The following NIPBL variants were observed in gnomAD, a reference collection of about 807,000 sequenced individuals.
The protein encoded by NIPBL is nipped-B-like protein.
In NIPBL, 19 loss-of-function variants were observed where a neutral mutation model predicts 321.8. The ratio of observed to expected loss-of-function variants is 0.06; its 90% CI spans 0.04 to 0.09. The LOEUF (loss-of-function observed/expected upper bound fraction) is 0.09. Ranked by LOEUF, NIPBL falls within the 10% of genes least tolerant of loss-of-function variation. NIPBL has a pLI of 1.00. For synonymous variants in NIPBL, 1,106 were observed against 1,114.1 expected (o/e 0.99, Z 0.14); for missense variants, 2,210 against 3,327.0 (o/e 0.66, Z 8.26).
chr5:37,045,317 G>T, intron 36 of NIPBL, 126 bp from the exon 37 acceptor site: 1 of 675,534 alleles, frequency 1.5e-6, no homozygotes, highest in Non-Finnish European at 2.5e-6. Flanking sequence ...TCATGTCACT[G>T]CACTCCAGCC....
chr5:36,906,754 A>G (rs576994898), intron 1 of NIPBL, among the ~76,000 whole-genome samples: 17 of 152,328 alleles, frequency 1.1e-4, no homozygotes, highest in African/African-American at 4.1e-4. Flanking sequence ...TGATTTCTAA[A>G]TCTGAATATT....
intron 24 of NIPBL, 71 bp from the exon 25 acceptor site, chr5:37,019,240 G>A: frequency 1.0e-6 from 1 of 985,028 alleles, no homozygotes; most frequent in Non-Finnish European, 1.6e-6. Context: ...TCAGATTTGT[G>A]TTTACAATTA....
At chr5:37,030,084 A>T (rs1262193817) in intron 32 of NIPBL, among the ~76,000 whole-genome samples, 1 of 152,234 alleles carries the variant, frequency 6.6e-6, no homozygotes, top group East Asian at 1.9e-4. Flanking sequence ...ATTTAGGATT[A>T]CTAAAAAGAA....
At chr5:37,039,261 T>G (rs1257526717) in intron 34 of NIPBL, among the ~76,000 whole-genome samples, 1 of 151,262 alleles carries the variant, frequency 6.6e-6, no homozygotes, top group African/African-American at 2.4e-5. Context: ...TGATATGCTT[T>G]ATATTTTTCA....
rs939266783 is a variant in NIPBL at position 37,010,179 on chromosome 5, C to G, written c.4514C>G (p.Pro1505Arg). ...LQLIQCVVHL[P>R]SSEKDSNAEE... is the part of the protein sequence containing the mutation. ...CTTATTCAGTGTGTGGTACACTTAC[C>G]ATCATCAGAGAAGGACTCTAATGCA... The change falls in exon 21 of 47, where the codon CCA (proline) becomes CGA (arginine). Residue 1505 changes from proline to arginine, a missense_variant. Pro to Arg is a moderately radical substitution (Grantham distance 103). Coordinates refer to ENST00000282516, the MANE Select transcript of NIPBL (RefSeq NM_133433.4). 4 of 1,610,848 alleles carry G rather than the reference C, an allele frequency of 2.5e-6. No homozygotes were observed. The highest frequency in any genetic ancestry group is 3.4e-6 in the Non-Finnish European group (4 of 1,177,220).
intron 1 of NIPBL, among the ~76,000 whole-genome samples, chr5:36,909,914 C>A (rs1747919210): frequency 6.6e-6 from 1 of 151,792 alleles, no homozygotes; most frequent in Non-Finnish European, 1.5e-5. Flanking sequence ...CGCCTTTACT[C>A]AAAATACAAA....
intron 42 of NIPBL, among the ~76,000 whole-genome samples, chr5:37,055,356 T>TAAAAAAAAA (rs57488198): frequency 1.2e-5 from 1 of 84,638 alleles, no homozygotes; most frequent in African/African-American, 3.6e-5. Context: ...ATCTCAACAG[T>TAAAAAAAAA]AAAAAAAAAA....
At chr5:36,950,979 T>C (rs186903451) in intron 1 of NIPBL, among the ~76,000 whole-genome samples, 158 of 152,302 alleles carry the variant, frequency 1.0e-3, no homozygotes, top group African/African-American at 3.8e-3. Flanking sequence ...TCTGCTGTTC[T>C]TCAAAATCTT....
chr5:37,060,361 G>A lies in NIPBL; in HGVS notation c.7686-483G>A, dbSNP rs997674364. On this transcript the variant is annotated intron_variant, in intron 44 of 46. Transcript: ENST00000282516. Reference sequence around the variant, plus strand: ...TTTTTACTTGTAGAGATGATGTCTAGTTGTGTTGCTCATGGTAGTCTTGAA... The same window carrying A: ...TTTTTACTTGTAGAGATGATGTCTAATTGTGTTGCTCATGGTAGTCTTGAA... 1.1e-4 allele frequency among the ~76,000 whole-genome samples: 16 copies of A among 152,194 alleles called. No individual in the cohort carries two copies. In the East Asian group the frequency reaches 2.9e-3, roughly 28 times the overall value.
At chr5:36,881,781 T>G (rs34678207) in intron 1 of NIPBL, among the ~76,000 whole-genome samples, 138 of 152,138 alleles carry the variant, frequency 9.1e-4, no homozygotes, top group Non-Finnish European at 1.5e-3. Context: ...CTATATATTC[T>G]GTATTTATAA....
chr5:37,061,273 T>C (rs1372403086), intron 45 of NIPBL, among the ~76,000 whole-genome samples: 3 of 152,180 alleles, frequency 2.0e-5, no homozygotes, highest in Admixed American at 2.0e-4. Flanking sequence ...AATGAAAGAT[T>C]ATAGGAAAAC....
intron 31 of NIPBL, 122 bp downstream of exon 31, chr5:37,026,449 G>A (rs1750277448): frequency 2.8e-6 from 2 of 705,276 alleles, no homozygotes; most frequent in East Asian, 2.8e-5. Flanking sequence ...TCGTACTGCT[G>A]CCTTTACTTT....
At chr5:37,015,501 A>G (rs1029863071) in intron 22 of NIPBL, among the ~76,000 whole-genome samples, 2 of 152,020 alleles carry the variant, frequency 1.3e-5, no homozygotes, top group African/African-American at 4.8e-5. Context: ...TTGGAAGACC[A>G]AGGCAGGTGG....
At chr5:36,987,413 A>G (rs1744945006) in intron 10 of NIPBL, among the ~76,000 whole-genome samples, 2 of 152,202 alleles carry the variant, frequency 1.3e-5, no homozygotes, top group Admixed American at 6.5e-5. Flanking sequence ...GCTGTTGGCT[A>G]CCATATTGGA....
At chr5:37,025,603 A>G (rs1177108149) in intron 30 of NIPBL, among the ~76,000 whole-genome samples, 1 of 152,210 alleles carries the variant, frequency 6.6e-6, no homozygotes, top group African/African-American at 2.4e-5. Flanking sequence ...CAGTAGCACA[A>G]TAGGGTGACT....
chr5:36,902,078 G>A (rs1335686750), intron 1 of NIPBL, among the ~76,000 whole-genome samples: 1 of 151,450 alleles, frequency 6.6e-6, no homozygotes, highest in East Asian at 1.9e-4. Context: ...GTCTGTTCAT[G>A]TCCTTTGCCC....
intron 10 of NIPBL, 110 bp from the exon 11 acceptor site, chr5:36,995,510 AAC>A: frequency 1.4e-6 from 1 of 709,674 alleles, no homozygotes; most frequent in Non-Finnish European, 2.4e-6. Context: ...TATTAAAATA[AAC>A]AGTTGATTTA....
At chr5:36,929,130 G>T (rs1362787065) in intron 1 of NIPBL, among the ~76,000 whole-genome samples, 1 of 152,028 alleles carries the variant, frequency 6.6e-6, no homozygotes, top group Non-Finnish European at 1.5e-5. Context: ...AGTGTGTAAG[G>T]GTTCAAGTTT....
intron 34 of NIPBL, among the ~76,000 whole-genome samples, chr5:37,043,433 CAG>C (rs143994176): frequency 0.019 from 2,850 of 151,796 alleles, 77 homozygotes; most frequent in African/African-American, 0.058. Context: ...GTGGCTGAGT[CAG>C]GGGGTTGCTT....
Sources: gnomAD v4.1 joint callset for allele counts (sites outside exome capture counted in the v4.1 genomes callset) on GRCh38, gnomAD v4.1.1 for gene constraint, MANE v1.5 for transcripts, NCBI Gene and HGNC (gene_info 2026-07-23, HGNC 2026-07-21) for gene names.